Variants in MAML2 observed in about 807,000 individuals in gnomAD.
The protein encoded by MAML2 is mastermind-like protein 2.
MAML2 carries 22 observed loss-of-function variants against 96.1 expected under a neutral mutation model. That is an observed-to-expected ratio of 0.23 (90% CI 0.16 to 0.33). MAML2 has a LOEUF of 0.33. Ranked by LOEUF, MAML2 falls within the 10% of genes least tolerant of loss-of-function variation. The probability of loss-of-function intolerance (pLI) is 1.00; values close to 1 mark genes in which losing one functional copy is unlikely to be tolerated. For synonymous variants in MAML2, 561 were observed against 521.3 expected (o/e 1.08, Z -1.04); for missense variants, 1,367 against 1,392.4 (o/e 0.98, Z 0.29).
At chr11:96,106,769 T>A (rs1193984317) in intron 1 of MAML2, among the ~76,000 whole-genome samples, 1 of 152,148 alleles carries the variant, frequency 6.6e-6, no homozygotes. Flanking sequence ...GTAAATTGCT[T>A]TTAATCCAAG....
At chr11:96,229,225 C>T (rs1006954715) in intron 1 of MAML2, among the ~76,000 whole-genome samples, 2 of 151,912 alleles carry the variant, frequency 1.3e-5, no homozygotes, top group Non-Finnish European at 2.9e-5. Context: ...AATCACACCC[C>T]AAACCACCAA....
At chr11:95,995,302 G>T (rs1452603527) in intron 2 of MAML2, among the ~76,000 whole-genome samples, 1 of 152,112 alleles carries the variant, frequency 6.6e-6, no homozygotes, top group Non-Finnish European at 1.5e-5. Flanking sequence ...GAAGATGGGT[G>T]GGGTATCATT....
chr11:96,199,730 A>G (rs1249828773), intron 1 of MAML2, among the ~76,000 whole-genome samples: 1 of 152,184 alleles, frequency 6.6e-6, no homozygotes, highest in Non-Finnish European at 1.5e-5. Flanking sequence ...CAGTCTCGCT[A>G]AATCTAACTC....
rs143995925 is a variant in MAML2, at chr11:96,013,290, T to C, written c.2140-21567A>G. 2.7e-4 allele frequency among the ~76,000 whole-genome samples: 41 copies of C among 152,362 alleles called. 1 individual carries two copies. Among genetic ancestry groups the C allele is most frequent in the African/African-American group, 9.6e-4 (40 of 41,590 alleles). ...CATTCTTTGTATCTATTCACTTCTCTCTTCAAAGTAATCAGAATTAAGTAA... is the reference window on the plus strand; with the variant it reads ...CATTCTTTGTATCTATTCACTTCTCCCTTCAAAGTAATCAGAATTAAGTAA... On this transcript the variant is annotated intron_variant, in intron 2 of 4. Transcript: ENST00000524717.
At position 95,991,643 on chromosome 11, in the gene MAML2, A is replaced by G. The variant is rs1276855690; in HGVS notation, c.2220T>C (p.Gly740=). 1.3e-5 allele frequency: 21 copies of G among 1,613,740 alleles called. No homozygotes were observed. The highest frequency in any genetic ancestry group is 1.7e-5 in the Non-Finnish European group (20 of 1,179,728). ...ACAGTGATTGCTGGGAGTTCATGTA[A>G]CCACTTCCAGTGTTTGGATTTGAGC... The part of the protein sequence containing the change: ...NPCSNPNTGS[G]YMNSQQSLLN... The change falls in exon 3 of 5, where the codon GGT becomes GGC. Residue 740 remains glycine, a synonymous_variant. Transcript: ENST00000524717.
chr11:96,027,042 A>G (rs1051044351), intron 2 of MAML2, among the ~76,000 whole-genome samples: 1 of 152,150 alleles, frequency 6.6e-6, no homozygotes, highest in Admixed American at 6.5e-5. Context: ...TTGTTTTCCT[A>G]CCTACAGGAA....
chr11:96,221,092 T>C lies in MAML2; in HGVS notation c.513+120291A>G, dbSNP rs1045313838. Reference sequence around the variant, plus strand: ...TACTATAAAATAAGTTCACAGTATATAGTGTTATTAATACTATGGTCATTA... The same window carrying C: ...TACTATAAAATAAGTTCACAGTATACAGTGTTATTAATACTATGGTCATTA... On this transcript the variant is annotated intron_variant, in intron 1 of 4. Coordinates refer to ENST00000524717, the MANE Select transcript of MAML2 (RefSeq NM_032427.4). Among the ~76,000 whole-genome samples, 3 of 152,194 alleles carry C rather than the reference T, an allele frequency of 2.0e-5. No individual in the cohort carries two copies. In the East Asian group the frequency reaches 5.8e-4, roughly 29 times the overall value.
rs1490737664 is a variant in MAML2 at position 95,984,376 on chromosome 11, A to G, written c.2455+1155T>C. Among the ~76,000 whole-genome samples the G allele has an allele frequency of 2.6e-5, 4 of 152,240 alleles. No homozygotes were observed. The East Asian group carries it at 7.7e-4, about 29-fold the overall frequency. The stretch of plus-strand genomic sequence containing the variant: ...CATCTTATCTTTCAGCCTCCTTGAG[A>G]CAATCAACTAGAGAATCCTGTTTTT... On this transcript the variant is annotated intron_variant, in intron 4 of 4. Transcript: ENST00000524717.
intron 1 of MAML2, among the ~76,000 whole-genome samples, chr11:96,133,457 G>A (rs1860577368): frequency 2.6e-5 from 4 of 152,144 alleles, no homozygotes; most frequent in African/African-American, 9.7e-5. Context: ...ATGCATGGGA[G>A]TGGTAGCCCG....
chr11:96,077,343 C>A (rs2135794760), intron 2 of MAML2, among the ~76,000 whole-genome samples: 1 of 151,478 alleles, frequency 6.6e-6, no homozygotes, highest in Non-Finnish European at 1.5e-5. Context: ...GCCCCAGCCT[C>A]CCAAGCAGTT....
At chr11:96,322,074 G>C (rs551507169) in intron 1 of MAML2, among the ~76,000 whole-genome samples, 5 of 152,198 alleles carry the variant, frequency 3.3e-5, no homozygotes, top group Non-Finnish European at 5.9e-5. Context: ...GAAGTTAAAG[G>C]CTCTTAAAAA....
intron 1 of MAML2, among the ~76,000 whole-genome samples, chr11:96,297,412 T>C (rs1027504707): frequency 6.7e-4 from 102 of 151,884 alleles, no homozygotes; most frequent in African/African-American, 2.3e-3. Flanking sequence ...CCGTCTCTAC[T>C]AAAAATACAA....
chr11:96,275,174 A>T (rs1315501857), intron 1 of MAML2, among the ~76,000 whole-genome samples: 1 of 152,016 alleles, frequency 6.6e-6, no homozygotes, highest in Non-Finnish European at 1.5e-5. Context: ...TTGTGCCCAG[A>T]TCCCTTTAGA....
At chr11:95,996,277 A>G (rs570751632) in intron 2 of MAML2, among the ~76,000 whole-genome samples, 2 of 152,322 alleles carry the variant, frequency 1.3e-5, no homozygotes, top group Non-Finnish European at 1.5e-5. Flanking sequence ...ATGTTGGCAG[A>G]ATTGATGAGC....
chr11:95,994,464 G>A (rs61904578), intron 2 of MAML2, among the ~76,000 whole-genome samples: 1 of 151,836 alleles, frequency 6.6e-6, no homozygotes, highest in African/African-American at 2.4e-5. Flanking sequence ...AATGAGGATC[G>A]GTGAGCTGAG....
chr11:96,236,292 G>T (rs778341017), intron 1 of MAML2, among the ~76,000 whole-genome samples: 1 of 152,086 alleles, frequency 6.6e-6, no homozygotes, highest in Non-Finnish European at 1.5e-5. Flanking sequence ...AGAATCTTTT[G>T]CAATTGCTAC....
At chr11:96,049,996 C>T (rs867775568) in intron 2 of MAML2, among the ~76,000 whole-genome samples, 3 of 152,342 alleles carry the variant, frequency 2.0e-5, no homozygotes, top group Non-Finnish European at 2.9e-5. Flanking sequence ...AATTCACTCA[C>T]GTTCTTTCCG....
chr11:96,130,323 A>G (rs1860524717), intron 1 of MAML2, among the ~76,000 whole-genome samples: 1 of 152,220 alleles, frequency 6.6e-6, no homozygotes, highest in Non-Finnish European at 1.5e-5. Context: ...AAATCATAAC[A>G]TGGTTCAGAA....
chr11:96,043,040 G>T (rs1300941946), intron 2 of MAML2, among the ~76,000 whole-genome samples: 3 of 151,950 alleles, frequency 2.0e-5, no homozygotes, highest in Admixed American at 2.0e-4. Flanking sequence ...GCCACCACCC[G>T]GCGAATCCTT....
Sources: allele counts gnomAD v4.1 joint callset (sites outside exome capture counted in the v4.1 genomes callset), GRCh38; gene constraint gnomAD v4.1.1; transcripts MANE v1.5; gene names NCBI Gene and HGNC (gene_info 2026-07-23, HGNC 2026-07-21).